SLC24A2: variants seen among roughly 807,000 people sequenced by gnomAD.
SLC24A2 encodes the protein solute carrier family 24 member 2.
In SLC24A2, 36 loss-of-function variants were observed where a neutral mutation model predicts 62.0. The ratio of observed to expected loss-of-function variants is 0.58; its 90% confidence interval spans 0.44 to 0.77. The LOEUF is 0.77. Ranked by LOEUF, SLC24A2 falls within the 30% of genes least tolerant of loss-of-function variation. The pLI, the probability that SLC24A2 is intolerant of heterozygous loss-of-function variation, is 0.00. For synonymous variants in SLC24A2, 358 were observed against 294.0 expected (o/e 1.22, Z -2.23); for missense variants, 846 against 817.9 (o/e 1.03, Z -0.42).
the SLC24A2 span, among the ~76,000 whole-genome samples, chr9:20,244,044 G>A: frequency 6.6e-6 from 1 of 152,192 alleles, no homozygotes; most frequent in Non-Finnish European, 1.5e-5. Context: ...GGCTTCAGCA[G>A]GGCAGCCCAT....
the SLC24A2 span, among the ~76,000 whole-genome samples, chr9:19,970,142 C>T: frequency 3.3e-5 from 5 of 152,144 alleles, no homozygotes; most frequent in East Asian, 3.9e-4. Context: ...CACCCCTCCA[C>T]GCATAACCAC....
intron 2 of SLC24A2, among the ~76,000 whole-genome samples, chr9:19,698,572 T>C (rs1820260979): frequency 6.6e-6 from 1 of 152,204 alleles, no homozygotes; most frequent in African/African-American, 2.4e-5. Flanking sequence ...CATTTACTCA[T>C]CCCTTCATCT....
At chr9:19,664,518 C>G (rs775414436) in intron 2 of SLC24A2, among the ~76,000 whole-genome samples, 1 of 152,190 alleles carries the variant, frequency 6.6e-6, no homozygotes, top group African/African-American at 2.4e-5. Context: ...GCAAAGTTAT[C>G]AGGCAAATCT....
At position 19,641,526 on chromosome 9, in the gene SLC24A2, T is replaced by TC. The variant is rs988283494; in HGVS notation, c.931-19228_931-19227insG. Among the ~76,000 whole-genome samples the TC allele has an allele frequency of 7.8e-4, 118 of 151,756 alleles. 1 individual carries two copies. The highest frequency in any genetic ancestry group is 1.4e-3 in the Non-Finnish European group (96 of 67,858). On this transcript the variant is annotated intron_variant, in intron 2 of 10. Coordinates refer to ENST00000341998, the MANE Select transcript of SLC24A2 (RefSeq NM_020344.4). ...TTTAGGTTACTTAAACATTTTTTTT[T>TC]TTTTTTGAGATGGAGTCTCACTCGG...
the SLC24A2 span, among the ~76,000 whole-genome samples, chr9:20,034,905 C>G: frequency 6.6e-6 from 1 of 152,224 alleles, no homozygotes; most frequent in South Asian, 2.1e-4. Flanking sequence ...CATTGGTGAA[C>G]GTGCATGTTT....
At chr9:20,174,354 G>T in the SLC24A2 span, among the ~76,000 whole-genome samples, 1 of 151,890 alleles carries the variant, frequency 6.6e-6, no homozygotes, top group Admixed American at 6.6e-5. Context: ...ATAAATAGCT[G>T]GGACTTAATT....
At chr9:20,024,602 G>C in the SLC24A2 span, among the ~76,000 whole-genome samples, 1 of 149,644 alleles carries the variant, frequency 6.7e-6, no homozygotes, top group Non-Finnish European at 1.5e-5. Context: ...ATGTGATTAG[G>C]ATTAGTAGGT....
At chr9:19,771,389 A>G (rs75320543) in intron 2 of SLC24A2, among the ~76,000 whole-genome samples, 4,421 of 152,282 alleles carry the variant, frequency 0.029, 227 homozygotes, top group African/African-American at 0.1. Context: ...CTGTTCTCCC[A>G]TCTCACCTTC....
At chr9:20,203,227 G>C in the SLC24A2 span, among the ~76,000 whole-genome samples, 2 of 151,958 alleles carry the variant, frequency 1.3e-5, no homozygotes, top group Admixed American at 6.6e-5. Context: ...CAGCATTTCT[G>C]CTTGGCAATG....
chr9:20,055,507 C>A, the SLC24A2 span, among the ~76,000 whole-genome samples: 2 of 152,066 alleles, frequency 1.3e-5, no homozygotes, highest in Non-Finnish European at 2.9e-5. Context: ...TTATCTGTAA[C>A]TTTTAGATGA....
chr9:19,593,937 A>G (rs1159176174), intron 5 of SLC24A2, among the ~76,000 whole-genome samples: 3 of 152,184 alleles, frequency 2.0e-5, no homozygotes, highest in African/African-American at 7.2e-5. Context: ...GATAGATGAT[A>G]TAGAATATAT....
chr9:20,298,864 C>A, the SLC24A2 span, among the ~76,000 whole-genome samples: 5 of 152,106 alleles, frequency 3.3e-5, no homozygotes, highest in African/African-American at 1.2e-4. Flanking sequence ...TTGCCCTTCT[C>A]CTTACTAGAG....
chr9:19,522,936 G>C (rs546810985), intron 9 of SLC24A2, among the ~76,000 whole-genome samples: 24 of 152,204 alleles, frequency 1.6e-4, no homozygotes, highest in Non-Finnish European at 1.0e-4. Flanking sequence ...AGCAGATGCT[G>C]ACTAAACAAC....
chr9:20,272,201 A>G, the SLC24A2 span, among the ~76,000 whole-genome samples: 1 of 152,222 alleles, frequency 6.6e-6, no homozygotes, highest in African/African-American at 2.4e-5. Flanking sequence ...TGGGAGAAGC[A>G]CCAGCACTAA....
At chr9:19,911,235 A>G in the SLC24A2 span, among the ~76,000 whole-genome samples, 70,292 of 151,644 alleles carry the variant, frequency 0.46, 16,628 homozygotes, top group Middle Eastern at 0.63. Context: ...TGTCCCTACA[A>G]AGGACATGAA....
At chr9:19,976,840 G>C in the SLC24A2 span, among the ~76,000 whole-genome samples, 1 of 152,060 alleles carries the variant, frequency 6.6e-6, no homozygotes, top group Non-Finnish European at 1.5e-5. Flanking sequence ...CTATTTGTCT[G>C]TTGATTTCAA....
chr9:19,985,052 T>G, the SLC24A2 span, among the ~76,000 whole-genome samples: 1 of 150,934 alleles, frequency 6.6e-6, no homozygotes, highest in African/African-American at 2.4e-5. Context: ...ACCACTAGGA[T>G]AGTTCAAATT....
chr9:19,877,943 C>T, the SLC24A2 span, among the ~76,000 whole-genome samples: 1 of 152,008 alleles, frequency 6.6e-6, no homozygotes, highest in African/African-American at 2.4e-5. Context: ...TATGTATGTG[C>T]TTATTTAATT....
At chr9:19,572,256 T>A (rs1227663440) in intron 7 of SLC24A2, among the ~76,000 whole-genome samples, 1 of 67,120 alleles carries the variant, frequency 1.5e-5, no homozygotes, top group Non-Finnish European at 2.6e-5. Flanking sequence ...TGAGAGTCCG[T>A]CTCAAAAAAA....
Sources: allele counts gnomAD v4.1 joint callset (sites outside exome capture counted in the v4.1 genomes callset), GRCh38; gene constraint gnomAD v4.1.1; transcripts MANE v1.5; gene names NCBI Gene and HGNC (gene_info 2026-07-23, HGNC 2026-07-21).